Variants in CADM2 observed in about 807,000 individuals in gnomAD.
The protein encoded by CADM2 is cell adhesion molecule 2.
A neutral mutation model predicts 49.8 loss-of-function variants in CADM2; 12 were observed. The observed-to-expected ratio is 0.24, with a 90% CI of 0.15 to 0.39. The LOEUF (loss-of-function observed/expected upper bound fraction) is 0.39. CADM2 is among the 10% of genes least tolerant of loss of function. CADM2 has a pLI of 1.00. For synonymous variants in CADM2, 214 were observed against 175.4 expected (o/e 1.22, Z -1.74); for missense variants, 378 against 492.3 (o/e 0.77, Z 2.20).
intron 1 of CADM2, among the ~76,000 whole-genome samples, chr3:85,017,105 T>A (rs953977861): frequency 5.9e-5 from 9 of 152,176 alleles, no homozygotes; most frequent in African/African-American, 1.9e-4. Flanking sequence ...CAGCAAATTT[T>A]AGGAGGTAAT....
chr3:85,918,359 A>G (rs2108497208), intron 6 of CADM2, among the ~76,000 whole-genome samples: 1 of 152,342 alleles, frequency 6.6e-6, no homozygotes, highest in South Asian at 2.1e-4. Flanking sequence ...AGTTTTTAAC[A>G]TGAAAGGTTG....
intron 5 of CADM2, among the ~76,000 whole-genome samples, chr3:85,904,421 C>T (rs1049610287): frequency 6.6e-6 from 1 of 152,102 alleles, no homozygotes; most frequent in Non-Finnish European, 1.5e-5. Flanking sequence ...CGTAGTCCTT[C>T]GTTGAGGAAA....
chr3:85,605,078 A>G (rs1292339441), intron 1 of CADM2, among the ~76,000 whole-genome samples: 1 of 152,074 alleles, frequency 6.6e-6, no homozygotes, highest in African/African-American at 2.4e-5. Context: ...ATCAGCCTTA[A>G]AATGGTAATT....
intron 1 of CADM2, among the ~76,000 whole-genome samples, chr3:84,961,942 A>C (rs2030563933): frequency 6.6e-6 from 1 of 152,034 alleles, no homozygotes; most frequent in Non-Finnish European, 1.5e-5. Context: ...AGCCTGGAGG[A>C]GGATTTACTC....
intron 1 of CADM2, among the ~76,000 whole-genome samples, chr3:85,405,260 G>T (rs968816274): frequency 1.3e-5 from 2 of 152,056 alleles, no homozygotes; most frequent in Non-Finnish European, 1.5e-5. Flanking sequence ...AGTTTTGATG[G>T]CCTGACCTAG....
intron 1 of CADM2, among the ~76,000 whole-genome samples, chr3:85,189,061 TAAAA>T (rs2041138216): frequency 1.1e-5 from 1 of 92,454 alleles, no homozygotes; most frequent in African/African-American, 3.2e-5. Context: ...AATAAATAAA[TAAAA>T]TAAATAAATA....
intron 1 of CADM2, among the ~76,000 whole-genome samples, chr3:85,338,188 T>C (rs2045142252): frequency 6.6e-6 from 1 of 151,588 alleles, no homozygotes; most frequent in Non-Finnish European, 1.5e-5. Context: ...ACAGCAAGCC[T>C]TATCAGCTGG....
Position 85,971,176 on chromosome 3 carries a change from T to C in CADM2, c.970+9529T>C, listed in dbSNP as rs552873404. The stretch of plus-strand genomic sequence containing the variant: ...TAATTAGAGAATAGGAGGCAACAAA[T>C]GTATTTACTTCATTGCATTTTGAAT... On this transcript the variant is annotated intron_variant, in intron 8 of 9. Transcript: ENST00000383699. Among the ~76,000 whole-genome samples, 6 of 151,716 alleles carry C rather than the reference T, an allele frequency of 4.0e-5. No homozygotes were observed. The Admixed American group carries it at 4.0e-4, about 10-fold the overall frequency.
chr3:85,933,650 C>G (rs79508575), intron 6 of CADM2, among the ~76,000 whole-genome samples: 1 of 152,108 alleles, frequency 6.6e-6, no homozygotes, highest in East Asian at 1.9e-4. Flanking sequence ...AGTGAGTCAG[C>G]GAGCTGGAAG....
chr3:85,372,031 A>G (rs2033277308), intron 1 of CADM2, among the ~76,000 whole-genome samples: 1 of 151,964 alleles, frequency 6.6e-6, no homozygotes, highest in Non-Finnish European at 1.5e-5. Flanking sequence ...ATTATTTTAA[A>G]GAGGCATAGA....
At chr3:85,780,691 T>C in intron 2 of CADM2, among the ~76,000 whole-genome samples, 1 of 152,288 alleles carries the variant, frequency 6.6e-6, no homozygotes, top group Middle Eastern at 3.4e-3. Flanking sequence ...AACCTTATTT[T>C]CCTGCAACAT....
chr3:85,877,863 T>C (rs1432281208), intron 3 of CADM2, among the ~76,000 whole-genome samples: 5 of 151,960 alleles, frequency 3.3e-5, no homozygotes, highest in Admixed American at 2.6e-4. Flanking sequence ...ACTGTGTAGA[T>C]AGCTATAGCT....
intron 1 of CADM2, among the ~76,000 whole-genome samples, chr3:85,541,762 T>C (rs2061548897): frequency 6.4e-5 from 1 of 15,674 alleles, no homozygotes; most frequent in East Asian, 0.023. Flanking sequence ...ATTTTATATA[T>C]ATATTTTATA....
chr3:86,032,969 A>G (rs1734725435), intron 8 of CADM2, among the ~76,000 whole-genome samples: 1 of 151,874 alleles, frequency 6.6e-6, no homozygotes, highest in Non-Finnish European at 1.5e-5. Context: ...AGATCACTCT[A>G]TAGCAACCTT....
intron 1 of CADM2, among the ~76,000 whole-genome samples, chr3:85,026,941 G>A (rs11927760): frequency 0.42 from 62,821 of 151,312 alleles, 14,713 homozygotes; most frequent in African/African-American, 0.63. Flanking sequence ...ACTACTTTTA[G>A]CTAACTTATA....
chr3:84,984,617 G>A (rs1307150017), intron 1 of CADM2, among the ~76,000 whole-genome samples: 1 of 151,094 alleles, frequency 6.6e-6, no homozygotes, highest in East Asian at 1.9e-4. Flanking sequence ...AAAAAAAAAG[G>A]TCAGGTTACT....
At chr3:86,021,670 T>C (rs901450479) in intron 8 of CADM2, among the ~76,000 whole-genome samples, 9 of 152,192 alleles carry the variant, frequency 5.9e-5, no homozygotes, top group Non-Finnish European at 1.2e-4. Context: ...GGCTCATCCA[T>C]GTTGGAGCAA....
At chr3:85,478,850 T>G (rs1433326418) in intron 1 of CADM2, among the ~76,000 whole-genome samples, 1 of 151,950 alleles carries the variant, frequency 6.6e-6, no homozygotes, top group East Asian at 1.9e-4. Flanking sequence ...ATGAAACACT[T>G]CCAATGTGGC....
At chr3:86,046,289 T>G (rs1303313641) in intron 8 of CADM2, among the ~76,000 whole-genome samples, 1 of 152,214 alleles carries the variant, frequency 6.6e-6, no homozygotes, top group Non-Finnish European at 1.5e-5. Context: ...TTAGAAGTAT[T>G]TTAATTGTAA....
Sources: gnomAD v4.1 joint callset for allele counts (sites outside exome capture counted in the v4.1 genomes callset) on GRCh38, gnomAD v4.1.1 for gene constraint, MANE v1.5 for transcripts, NCBI Gene and HGNC (gene_info 2026-07-23, HGNC 2026-07-21) for gene names.